Variants in TLE1 observed in about 807,000 individuals in gnomAD.
TLE1 encodes transducin-like enhancer protein 1.
In TLE1, 21 loss-of-function variants were observed where a neutral mutation model predicts 89.8. The observed-to-expected ratio is 0.23, with a 90% confidence interval of 0.17 to 0.34. TLE1 has a LOEUF of 0.34. Ranked by LOEUF, TLE1 falls within the 10% of genes least tolerant of loss-of-function variation. The probability of loss-of-function intolerance (pLI) is 1.00; values close to 1 mark genes in which losing one functional copy is unlikely to be tolerated. For synonymous variants in TLE1, 447 were observed against 407.6 expected (o/e 1.10, Z -1.16); for missense variants, 795 against 1,031.2 (o/e 0.77, Z 3.14).
At chr9:81,615,027 A>G (rs1824239213) in intron 11 of TLE1, among the ~76,000 whole-genome samples, 1 of 138,608 alleles carries the variant, frequency 7.2e-6, no homozygotes, top group Non-Finnish European at 1.5e-5. Context: ...CCCTGTAATA[A>G]GCCAAGATTG....
At chr9:81,685,584 A>G (rs1337004053) in intron 4 of TLE1, 92 bp downstream of exon 4, 8 of 1,304,256 alleles carry the variant, frequency 6.1e-6, no homozygotes, top group Non-Finnish European at 8.6e-6. Flanking sequence ...ACAAACCCCC[A>G]CCCCTAGAGC....
intron 4 of TLE1, among the ~76,000 whole-genome samples, chr9:81,657,160 T>C (rs1004598081): frequency 6.6e-6 from 1 of 152,238 alleles, no homozygotes; most frequent in African/African-American, 2.4e-5. Flanking sequence ...CTTCCATTGT[T>C]GCTTAATCAT....
intron 7 of TLE1, chr9:81,633,618 T>G: frequency 1.8e-6 from 1 of 558,446 alleles, no homozygotes; most frequent in Non-Finnish European, 3.1e-6. Flanking sequence ...ATAAATTACT[T>G]TTCTTCAAAA....
intron 1 of TLE1, 149 bp from the exon 2 acceptor site, chr9:81,687,583 T>G: frequency 1.7e-6 from 1 of 603,492 alleles, no homozygotes; most frequent in Non-Finnish European, 3.0e-6. Flanking sequence ...TGCCCTTCAC[T>G]ATGGGGAGGG....
At chr9:81,662,892 G>C (rs1238848293) in intron 4 of TLE1, among the ~76,000 whole-genome samples, 1 of 151,958 alleles carries the variant, frequency 6.6e-6, no homozygotes, top group Non-Finnish European at 1.5e-5. Context: ...CTGTTGCCCA[G>C]GCTGGAGTGC....
intron 15 of TLE1, 42 bp downstream of exon 15, chr9:81,592,983 C>G (rs7023704): frequency 0.29 from 466,768 of 1,586,750 alleles, 71,862 homozygotes; most frequent in South Asian, 0.36. Flanking sequence ...ATTGAATCTC[C>G]AGGGAGAAAT....
rs999393193 is a variant in TLE1 at position 81,685,586 on chromosome 9, C to G, written c.234+90G>C. 30 of 1,340,150 alleles carry G rather than the reference C, an allele frequency of 2.2e-5. No homozygotes were observed. The African/African-American group carries it at 3.9e-4, about 18-fold the overall frequency. The allele number at this position is 1,340,150 out of a possible 1,614,324, so 83.0% of individuals were successfully genotyped here. On this transcript the variant is annotated intron_variant, in intron 4 of 19. Coordinates refer to ENST00000376499, the MANE Select transcript of TLE1 (RefSeq NM_005077.5). ...AGAAAAATAGCATACAAACCCCCACCCCTAGAGCCCACTACTGAGAACAAA... is the reference window on the plus strand; with the variant it reads ...AGAAAAATAGCATACAAACCCCCACGCCTAGAGCCCACTACTGAGAACAAA...
In TLE1 at chr9:81,613,406, G is replaced by A. The variant is rs2132080744; in HGVS notation, c.1034C>T (p.Pro345Leu). Residue 345 changes from proline (P) to leucine (L), a missense_variant, in exon 12 of 20, where the codon CCA becomes CTA. This residue lies in a region of TLE1 where 468 missense variants were observed against 509.1 expected (regional missense o/e 0.92). Transcript: ENST00000376499. The part of the protein sequence containing the change: ...PGLRPGLGKP[P>L]AIDPLVNQAA... ...TTGGTTAACGAGGGGGTCTATGGCT[G>A]GAGGCTTGCCGAGACCTGGACGGAG... 6.2e-7 allele frequency: 1 copy of A among 1,614,108 alleles called. No individual in the cohort carries two copies. Among genetic ancestry groups the A allele is most frequent in the East Asian group, 2.2e-5 (1 of 44,872 alleles).
rs1021296584 is a variant in TLE1, at chr9:81,593,413, C to G, written c.1332-139G>C. On this transcript the variant is annotated intron_variant, in intron 14 of 19. Coordinates refer to ENST00000376499, the MANE Select transcript of TLE1 (RefSeq NM_005077.5). The stretch of plus-strand genomic sequence containing the variant: ...TGTATAGTTTCCTTTGAAATCAATA[C>G]AAATTGAAGCATTTACTGCTGGTGC... The G allele has an allele frequency of 1.6e-5, 19 of 1,202,752 alleles. No homozygotes were observed. The Admixed American group carries it at 5.8e-4, about 37-fold the overall frequency. 74.5% of individuals were successfully genotyped at this position (1,202,752 alleles called of 1,614,324 possible).
At chr9:81,664,821 A>G (rs1475183562) in intron 4 of TLE1, among the ~76,000 whole-genome samples, 2 of 152,200 alleles carry the variant, frequency 1.3e-5, no homozygotes, top group Non-Finnish European at 2.9e-5. Context: ...TTGTTAATAC[A>G]CAGATGACTA....
chr9:81,584,454 T>C lies in TLE1; in HGVS notation c.2199A>G (p.Ile733Met). Reference sequence around the variant, plus strand: ...GTGAGGAGTACTTACTCACCTGGAATATGCTGGCTCCATAGGGGGTCCGCC... The same window carrying C: ...GTGAGGAGTACTTACTCACCTGGAACATGCTGGCTCCATAGGGGGTCCGCC... The part of the protein sequence containing the change: ...NAWRTPYGAS[I>M]FQSKESSSVL... The change falls in exon 19 of 20, where the codon ATA becomes ATG. Residue 733 changes from isoleucine to methionine, a missense_variant. Transcript: ENST00000376499. 1 of 1,614,202 alleles carries C rather than the reference T, an allele frequency of 6.2e-7. No homozygotes were observed. Among genetic ancestry groups the C allele is most frequent in the Non-Finnish European group, 8.5e-7 (1 of 1,180,022 alleles).
chr9:81,680,221 G>A (rs7043136), intron 4 of TLE1, among the ~76,000 whole-genome samples: 28,759 of 151,970 alleles, frequency 0.19, 2,771 homozygotes, highest in African/African-American at 0.21. Flanking sequence ...GCCCAGTCCC[G>A]AATGGAAATC....
intron 10 of TLE1, 38 bp downstream of exon 10, chr9:81,616,608 T>C (rs368374703): frequency 2.7e-5 from 44 of 1,608,174 alleles, no homozygotes; most frequent in Non-Finnish European, 3.7e-5. Flanking sequence ...ATTATTCAAA[T>C]CATTCTGAAG....
At chr9:81,648,593 A>G (rs1377468846) in intron 6 of TLE1, among the ~76,000 whole-genome samples, 1 of 152,212 alleles carries the variant, frequency 6.6e-6, no homozygotes, top group Non-Finnish European at 1.5e-5. Context: ...ATTATTTAAA[A>G]TCCCAATCCC....
chr9:81,642,156 T>C (rs1828211842), intron 6 of TLE1, among the ~76,000 whole-genome samples: 1 of 152,188 alleles, frequency 6.6e-6, no homozygotes, highest in South Asian at 2.1e-4. Context: ...GAATGTAAAT[T>C]GGTACAGCCC....
rs1431119803 is a variant in TLE1 at position 81,665,001 on chromosome 9, C to CT, written c.235-10966dup. On this transcript the variant is annotated intron_variant, in intron 4 of 19. Transcript: ENST00000376499. ...CCTGCCAGGTGCTCTGACACCCTCTCTCTAATCTTCATGTGGACACCAGGT... is the reference window on the plus strand; with the variant it reads ...CCTGCCAGGTGCTCTGACACCCTCTCTTCTAATCTTCATGTGGACACCAGGT... Among the ~76,000 whole-genome samples the CT allele has an allele frequency of 1.1e-4, 17 of 152,290 alleles. No individual in the cohort carries two copies. In the East Asian group the frequency reaches 2.7e-3, roughly 24 times the overall value.
intron 4 of TLE1, among the ~76,000 whole-genome samples, chr9:81,661,957 G>C (rs1048838845): frequency 6.6e-6 from 1 of 152,184 alleles, no homozygotes; most frequent in South Asian, 2.1e-4. Context: ...TGTCTTGGAA[G>C]GCAACTGGGC....
Position 81,611,931 on chromosome 9 carries a change from C to G in TLE1, c.1092G>C (p.Val364=). 1 of 1,490,334 alleles carries G rather than the reference C, an allele frequency of 6.7e-7. No individual in the cohort carries two copies. Among genetic ancestry groups the G allele is most frequent in the Non-Finnish European group, 8.9e-7 (1 of 1,122,586 alleles). The allele number at this position is 1,490,334 out of a possible 1,614,324, so 92.3% of individuals were successfully genotyped here. A position where few individuals can be genotyped will look rare whatever the true frequency, so the allele number is the denominator to read the frequency against. Reference sequence around the variant, plus strand: ...CAAAAGGAGCAGGATATGGGCCGGGCACTGCCAGGGGTGTCCTCAAGCCAG... The same window carrying G: ...CAAAAGGAGCAGGATATGGGCCGGGGACTGCCAGGGGTGTCCTCAAGCCAG... ...AAAGLRTPLA[V]PGPYPAPFGM... The change falls in exon 13 of 20, where the codon GTG becomes GTC. Residue 364 remains valine (V), a synonymous_variant. Transcript: ENST00000376499.
intron 11 of TLE1, among the ~76,000 whole-genome samples, chr9:81,613,901 CT>C (rs1206282205): frequency 8.0e-6 from 1 of 124,602 alleles, no homozygotes; most frequent in African/African-American, 3.7e-5. Context: ...GACCCCTTTT[CT>C]TTTCTTTTTT....
Sources: allele counts gnomAD v4.1 joint callset (sites outside exome capture counted in the v4.1 genomes callset), GRCh38; gene constraint gnomAD v4.1.1; regional missense constraint gnomAD v4.1.1; transcripts MANE v1.5; gene names NCBI Gene and HGNC (gene_info 2026-07-23, HGNC 2026-07-21).